AGR2: variants seen among roughly 807,000 people sequenced by gnomAD.
AGR2 encodes the protein anterior gradient 2, protein disulphide isomerase family member.
Under a neutral mutation model 25.9 loss-of-function variants are expected in AGR2, and 27 were observed. That is an observed-to-expected ratio of 1.04 (90% CI 0.77 to 1.44). The LOEUF (loss-of-function observed/expected upper bound fraction) is 1.44. AGR2 is among the 40% of genes most tolerant of loss of function. The probability of loss-of-function intolerance (pLI) is 0.00; values close to 1 mark genes in which losing one functional copy is unlikely to be tolerated. For missense variants in AGR2, 182 were observed against 200.9 expected (o/e 0.91, Z 0.57); for synonymous variants, 78 against 72.0 (o/e 1.08, Z -0.42).
intron 7 of AGR2, among the ~76,000 whole-genome samples, chr7:16,793,453 C>A (rs1260443748): frequency 1.3e-5 from 2 of 152,188 alleles, no homozygotes; most frequent in African/African-American, 4.8e-5. Context: ...CTAGTGTAGT[C>A]ATTCCTTCCC....
chr7:16,796,150 T>A (rs750109353), intron 6 of AGR2, among the ~76,000 whole-genome samples: 1 of 152,178 alleles, frequency 6.6e-6, no homozygotes, highest in African/African-American at 2.4e-5. Context: ...CAACTTGATC[T>A]TTAAAATCCT....
chr7:16,799,604 TTCTC>T (rs1446447417), intron 5 of AGR2, 136 bp downstream of exon 5: 2 of 547,108 alleles, frequency 3.7e-6, no homozygotes, highest in Non-Finnish European at 6.4e-6. Context: ...AATATCTTTT[TTCTC>T]TCTAATTTAT....
In AGR2 at chr7:16,792,709, A is replaced by G. The variant is rs753830981; in HGVS notation, c.*199T>C. The G allele has an allele frequency of 9.9e-5, 59 of 594,370 alleles. No homozygotes were observed. The highest frequency in any genetic ancestry group is 3.6e-5 in the Non-Finnish European group (12 of 333,260). The allele number at this position is 594,370 out of a possible 1,614,324, so 36.8% of individuals were successfully genotyped here. A position where few individuals can be genotyped will look rare whatever the true frequency, so the allele number is the denominator to read the frequency against. On this transcript the variant is annotated 3_prime_UTR_variant, in exon 8 of 8. Coordinates refer to ENST00000419304, the MANE Select transcript of AGR2 (RefSeq NM_006408.4). The stretch of plus-strand genomic sequence containing the variant: ...GAAAATCATGGCTCACTATGGTAGT[A>G]TACAATATTGTTTTCACACATGTAC...
intron 1 of AGR2, among the ~76,000 whole-genome samples, chr7:16,802,483 C>G (rs752879937): frequency 6.6e-6 from 1 of 152,150 alleles, no homozygotes; most frequent in South Asian, 2.1e-4. Context: ...CCATCCAACA[C>G]AAAGCCCATT....
At chr7:16,801,919 G>A in intron 1 of AGR2, 116 bp from the exon 2 acceptor site, 1 of 806,266 alleles carries the variant, frequency 1.2e-6, no homozygotes, top group Non-Finnish European at 1.9e-6. Flanking sequence ...GCTGAGACTG[G>A]ACATACGAGA....
At chr7:16,797,573 A>G in intron 6 of AGR2, 58 bp downstream of exon 6, 11 of 1,497,748 alleles carry the variant, frequency 7.3e-6, no homozygotes, top group African/African-American at 1.4e-5. Flanking sequence ...GGAGGAGAGA[A>G]GGAGGATGGC....
At chr7:16,798,136 A>G (rs1056508229) in intron 5 of AGR2, among the ~76,000 whole-genome samples, 3 of 152,204 alleles carry the variant, frequency 2.0e-5, no homozygotes, top group Non-Finnish European at 2.9e-5. Context: ...TGCACACTCT[A>G]TTGAGAGATA....
chr7:16,795,112 T>C, intron 6 of AGR2, 93 bp from the exon 7 acceptor site: 3 of 1,352,886 alleles, frequency 2.2e-6, no homozygotes, highest in Non-Finnish European at 1.0e-6. Flanking sequence ...CATGTATTCA[T>C]GTCCTGTGAG....
chr7:16,799,462 A>T (rs706070), intron 5 of AGR2: 1 of 353,206 alleles, frequency 2.8e-6, no homozygotes, highest in South Asian at 4.5e-5. Context: ...ATAGAGGGAC[A>T]GGCACAGCAA....
Position 16,801,672 on chromosome 7 carries a change from TG to T in AGR2, c.124del (p.Gln42ArgfsTer31). 1 of 1,613,846 alleles carries T rather than the reference TG, an allele frequency of 6.2e-7. No individual in the cohort carries two copies. Among genetic ancestry groups the T allele is most frequent in the Non-Finnish European group, 8.5e-7 (1 of 1,179,962 alleles). ...CTGACTCCTACCTCTGGAGAGGGTCTGGGGCAGTTTGGGTCGAGAGTCCTTT... is the reference window on the plus strand; with the variant it reads ...CTGACTCCTACCTCTGGAGAGGGTCTGGGCAGTTTGGGTCGAGAGTCCTTT... ...DTKDSRPKLP[Q>X]TLSRGWGDQL... On this transcript the variant is annotated frameshift_variant, in exon 2 of 8. Coordinates refer to ENST00000419304, the MANE Select transcript of AGR2 (RefSeq NM_006408.4). LOFTEE classifies it high-confidence loss of function.
At chr7:16,794,754 C>A in intron 7 of AGR2, 182 bp downstream of exon 7, 1 of 1,439,866 alleles carries the variant, frequency 6.9e-7, no homozygotes, top group South Asian at 1.5e-5. Context: ...TAAAAACAAA[C>A]AAACCTGAGA....
intron 6 of AGR2, among the ~76,000 whole-genome samples, chr7:16,797,034 G>A (rs1027737734): frequency 6.6e-6 from 1 of 151,742 alleles, no homozygotes; most frequent in Non-Finnish European, 1.5e-5. Context: ...CAATTCTTGT[G>A]CCTCAGCCTC....
In AGR2 at chr7:16,800,113, C is replaced by CA. The variant is rs199782378; in HGVS notation, c.257-297dup. On this transcript the variant is annotated intron_variant, in intron 4 of 7. Coordinates refer to ENST00000419304, the MANE Select transcript of AGR2 (RefSeq NM_006408.4). ...TCTGTACTAGGGATGGTGCAGTGAA[C>CA]AAAAAAAAGCATGTGTTTTTTCACA... Among the ~76,000 whole-genome samples the CA allele has an allele frequency of 1.7e-4, 26 of 151,734 alleles. No individual in the cohort carries two copies. The South Asian group carries it at 3.5e-3, about 21-fold the overall frequency.
intron 1 of AGR2, among the ~76,000 whole-genome samples, chr7:16,804,322 C>T (rs1450157662): frequency 6.6e-6 from 1 of 151,538 alleles, no homozygotes; most frequent in African/African-American, 2.4e-5. Context: ...GCACTTTTTA[C>T]TCATCACCGT....
At chr7:16,799,846 T>C in intron 4 of AGR2, 29 bp from the exon 5 acceptor site, 1 of 1,471,732 alleles carries the variant, frequency 6.8e-7, no homozygotes, top group African/African-American at 1.4e-5. Flanking sequence ...TCATTAAGCA[T>C]CCATCTTAGC....
rs1054561116 is a variant in AGR2, at chr7:16,802,259, C to T, written c.-7-456G>A. Among the ~76,000 whole-genome samples, 8 of 152,170 alleles carry T rather than the reference C, an allele frequency of 5.3e-5. No individual in the cohort carries two copies. The South Asian group carries it at 1.2e-3, about 24-fold the overall frequency. On this transcript the variant is annotated intron_variant, in intron 1 of 7. Coordinates refer to ENST00000419304, the MANE Select transcript of AGR2 (RefSeq NM_006408.4). Reference sequence around the variant, plus strand: ...TCTTATTGTGCTTAATTTATAATTTCAACTTTATCATAGATATGTATGCAT... The same window carrying T: ...TCTTATTGTGCTTAATTTATAATTTTAACTTTATCATAGATATGTATGCAT...
rs1784970994 is a variant in AGR2, at chr7:16,791,838, A to G, written c.*1070T>C. The G allele has an allele frequency of 6.6e-6, 1 of 152,190 alleles. No individual in the cohort carries two copies. The highest frequency in any genetic ancestry group is 2.4e-5 in the African/African-American group (1 of 41,404). 9.4% of individuals were successfully genotyped at this position (152,190 alleles called of 1,614,324 possible). ...TGTTCAAAAAAGGTTTTATCCAAAA[A>G]AGTTAATCAAGACAAGCAACAGATA... On this transcript the variant is annotated 3_prime_UTR_variant, in exon 8 of 8. Coordinates refer to ENST00000419304, the MANE Select transcript of AGR2 (RefSeq NM_006408.4).
chr7:16,800,488 G>T (rs1376674329), intron 4 of AGR2, among the ~76,000 whole-genome samples: 1 of 152,208 alleles, frequency 6.6e-6, no homozygotes, highest in Non-Finnish European at 1.5e-5. Flanking sequence ...CAGCCTCATA[G>T]GTTGTGATCA....
At chr7:16,796,643 T>A (rs1270136983) in intron 6 of AGR2, among the ~76,000 whole-genome samples, 1 of 152,038 alleles carries the variant, frequency 6.6e-6, no homozygotes, top group African/African-American at 2.4e-5. Context: ...GTTGGGAATA[T>A]CATGGTGAGC....
Sources: gnomAD v4.1 joint callset for allele counts (sites outside exome capture counted in the v4.1 genomes callset) on GRCh38, gnomAD v4.1.1 for gene constraint, MANE v1.5 for transcripts, NCBI Gene and HGNC (gene_info 2026-07-23, HGNC 2026-07-21) for gene names.